CDH4: variants seen among roughly 807,000 people sequenced by gnomAD.
The protein encoded by CDH4 is cadherin-4.
In CDH4, 33 loss-of-function variants were observed where a neutral mutation model predicts 86.0. The ratio of observed to expected loss-of-function variants is 0.38; its 90% CI spans 0.29 to 0.51. The LOEUF (loss-of-function observed/expected upper bound fraction) is 0.51, where lower values mean the gene tolerates loss of function less well. Ranked by LOEUF, CDH4 falls within the 20% of genes least tolerant of loss-of-function variation. The probability of loss-of-function intolerance (pLI) is 0.86; values close to 1 mark genes in which losing one functional copy is unlikely to be tolerated. For missense variants in CDH4, 1,114 were observed against 1,307.4 expected, an observed-to-expected ratio of 0.85 and a Z score of 2.28; for synonymous variants, 555 against 549.4, an observed-to-expected ratio of 1.01 and a Z score of -0.14.
At chr20:61,857,561 T>G (rs1440615191) in intron 6 of CDH4, among the ~76,000 whole-genome samples, 1 of 152,266 alleles carries the variant, frequency 6.6e-6, no homozygotes, top group Non-Finnish European at 1.5e-5. Context: ...GCCCCCCATG[T>G]GGAGGGAGCT....
intron 4 of CDH4, among the ~76,000 whole-genome samples, chr20:61,783,469 C>T (rs1600983113): frequency 1.3e-5 from 2 of 151,944 alleles, no homozygotes; most frequent in Admixed American, 6.6e-5. Flanking sequence ...GGACAGTTCT[C>T]GAGGCCCTCA....
intron 2 of CDH4, among the ~76,000 whole-genome samples, chr20:61,697,597 C>A (rs1010333414): frequency 2.0e-5 from 3 of 152,256 alleles, no homozygotes; most frequent in East Asian, 3.9e-4. Context: ...GACTCCATCT[C>A]GGGGCGGGGG....
intron 2 of CDH4, among the ~76,000 whole-genome samples, chr20:61,560,162 C>A (rs922109869): frequency 1.3e-5 from 2 of 152,196 alleles, no homozygotes; most frequent in Admixed American, 1.3e-4. Context: ...CCCTGGGAAC[C>A]AATGTCATCA....
At chr20:61,268,351 C>T (rs1382151547) in intron 2 of CDH4, among the ~76,000 whole-genome samples, 2 of 152,268 alleles carry the variant, frequency 1.3e-5, no homozygotes, top group African/African-American at 4.8e-5. Context: ...AACCAGGAGG[C>T]AAAGCCAGGC....
At chr20:61,612,343 A>G (rs1315541089) in intron 2 of CDH4, among the ~76,000 whole-genome samples, 1 of 152,126 alleles carries the variant, frequency 6.6e-6, no homozygotes, top group Non-Finnish European at 1.5e-5. Flanking sequence ...CAAACTGTAT[A>G]TTTGTAACCA....
chr20:61,626,475 G>A (rs900756214), intron 2 of CDH4, among the ~76,000 whole-genome samples: 14 of 151,184 alleles, frequency 9.3e-5, no homozygotes, highest in African/African-American at 2.4e-4. Context: ...CCGTGTTCCC[G>A]AAGTCAGTGC....
intron 6 of CDH4, among the ~76,000 whole-genome samples, chr20:61,871,350 T>G (rs1236006445): frequency 6.6e-6 from 1 of 152,324 alleles, no homozygotes; most frequent in Middle Eastern, 3.4e-3. Flanking sequence ...GAAGTCAGCT[T>G]GAAGTCTTCT....
Position 61,417,777 on chromosome 20 carries a change from C to T in CDH4, c.169+162840C>T, listed in dbSNP as rs1270729130. Among the ~76,000 whole-genome samples the T allele has an allele frequency of 1.3e-5, 2 of 152,054 alleles. No individual in the cohort carries two copies. The highest frequency in any genetic ancestry group is 4.1e-4 in the South Asian group (2 of 4,820). ...CCTTGACCTGACAAGGTCCTCGAGG[C>T]CAGGCGAGGTCTCAGGAAGTCTGAG... On this transcript the variant is annotated intron_variant, in intron 2 of 15. Coordinates refer to ENST00000614565, the MANE Select transcript of CDH4 (RefSeq NM_001794.5). The surrounding 1 kb of genome is among the most constrained non-coding windows in gnomAD (Gnocchi z 4.0).
At chr20:61,288,981 A>G (rs912528407) in intron 2 of CDH4, among the ~76,000 whole-genome samples, 2 of 151,542 alleles carry the variant, frequency 1.3e-5, no homozygotes, top group African/African-American at 4.8e-5. Context: ...AGGAAAAAAA[A>G]TGTTTTTAAG....
At chr20:61,282,037 A>T (rs2123164048) in intron 2 of CDH4, among the ~76,000 whole-genome samples, 1 of 152,302 alleles carries the variant, frequency 6.6e-6, no homozygotes, top group Admixed American at 6.5e-5. Flanking sequence ...CCTCGGAAGC[A>T]CGCATGGCAT....
At position 61,902,863 on chromosome 20, in the gene CDH4, T is replaced by G. The variant is rs552291147; in HGVS notation, c.1189-7559T>G. ...TGTCTCAGAGAGCTGATTAAAAATCTCACACCACACACAGCAGAGGTGGCA... is the reference window on the plus strand; with the variant it reads ...TGTCTCAGAGAGCTGATTAAAAATCGCACACCACACACAGCAGAGGTGGCA... On this transcript the variant is annotated intron_variant, in intron 8 of 15. Transcript: ENST00000614565. The surrounding 1 kb of genome is among the most constrained non-coding windows in gnomAD (Gnocchi z 4.6). Among the ~76,000 whole-genome samples the G allele has an allele frequency of 6.6e-6, 1 of 152,024 alleles. No homozygotes were observed. The highest frequency in any genetic ancestry group is 1.9e-4 in the East Asian group (1 of 5,172).
intron 2 of CDH4, among the ~76,000 whole-genome samples, chr20:61,508,951 C>T (rs778392843): frequency 1.2e-4 from 18 of 152,176 alleles, no homozygotes; most frequent in Non-Finnish European, 2.6e-4. Context: ...GTGTTAACAT[C>T]CTCAGGGCAG....
chr20:61,851,643 ACCAT>A (rs1406001477), intron 5 of CDH4, among the ~76,000 whole-genome samples: 1 of 152,146 alleles, frequency 6.6e-6, no homozygotes, highest in Non-Finnish European at 1.5e-5. Context: ...CCTCTGGCTG[ACCAT>A]CCAGCTCTGG....
At chr20:61,718,819 C>T (rs55641738) in intron 2 of CDH4, 5,095 of 471,194 alleles carry the variant, frequency 0.011, 148 homozygotes, top group African/African-American at 0.07. Flanking sequence ...CCCACCATCC[C>T]GGGCTCCCAG....
intron 9 of CDH4, among the ~76,000 whole-genome samples, chr20:61,912,066 C>T (rs2054856961): frequency 6.6e-6 from 1 of 152,148 alleles, no homozygotes. Context: ...TTCTAGGGCC[C>T]CTCGTGGTCC....
chr20:61,257,293 G>A (rs1235164017), intron 2 of CDH4, among the ~76,000 whole-genome samples: 1 of 152,200 alleles, frequency 6.6e-6, no homozygotes, highest in Non-Finnish European at 1.5e-5. Context: ...TTGTTACACG[G>A]TAATTAACTT....
chr20:61,469,050 C>A (rs2085488385), intron 2 of CDH4, among the ~76,000 whole-genome samples: 1 of 152,120 alleles, frequency 6.6e-6, no homozygotes, highest in Non-Finnish European at 1.5e-5. Context: ...GATTTCCTTT[C>A]TTTTGGGTAT....
chr20:61,804,645 A>G (rs1405967983), intron 4 of CDH4, among the ~76,000 whole-genome samples: 1 of 152,174 alleles, frequency 6.6e-6, no homozygotes, highest in African/African-American at 2.4e-5. Context: ...TGGGTGTGTC[A>G]GGTTTCTGCT....
intron 4 of CDH4, among the ~76,000 whole-genome samples, chr20:61,799,477 C>T (rs999830960): frequency 6.6e-6 from 1 of 152,224 alleles, no homozygotes; most frequent in African/African-American, 2.4e-5. Context: ...AACCGTTAAC[C>T]ATTGGCACCT....
Sources: gnomAD v4.1 joint callset for allele counts (sites outside exome capture counted in the v4.1 genomes callset) on GRCh38, gnomAD v4.1.1 for gene constraint, Gnocchi (gnomAD v3.1) non-coding constraint, MANE v1.5 for transcripts, NCBI Gene and HGNC (gene_info 2026-07-23, HGNC 2026-07-21) for gene names.